The following BEND3 variants were observed in gnomAD, a reference collection of about 807,000 sequenced individuals.
The protein encoded by BEND3 is BEN domain containing 3.
BEND3 carries 13 observed loss-of-function variants against 60.1 expected under a neutral mutation model. That is an observed-to-expected ratio of 0.22 (90% CI 0.14 to 0.34). The LOEUF is 0.34. Ranked by LOEUF, BEND3 falls within the 10% of genes least tolerant of loss-of-function variation. The pLI, the probability that BEND3 is intolerant of heterozygous loss-of-function variation, is 1.00. For synonymous variants in BEND3, 497 were observed against 491.5 expected, an observed-to-expected ratio of 1.01 and a Z score of -0.15; for missense variants, 896 against 1,138.1, an observed-to-expected ratio of 0.79 and a Z score of 3.06.
chr6:107,070,727 A>G lies in BEND3; in HGVS notation c.464T>C (p.Leu155Pro). 1.2e-6 allele frequency: 2 copies of G among 1,613,880 alleles called. No homozygotes were observed. The highest frequency in any genetic ancestry group is 1.3e-5 in the African/African-American group (1 of 75,008). ...PSGDLLNVYELFEKANASNSP... is the reference protein window; with the variant it reads ...PSGDLLNVYEPFEKANASNSP... ...GTTGCTGGCGTTTGCCTTCTCAAAG[A>G]GCTCGTACACGTTTAGCAGGTCCCC... Residue 155 changes from leucine to proline, a missense_variant, in exon 4 of 4, where the codon CTC becomes CCC. Transcript: ENST00000369042. The surrounding 1 kb of genome is among the most constrained non-coding windows in gnomAD (Gnocchi z 6.9).
chr6:107,068,626 C>G lies in BEND3; in HGVS notation c.*78G>C. On this transcript the variant is annotated 3_prime_UTR_variant, in exon 4 of 4. Coordinates refer to ENST00000369042, the MANE Select transcript of BEND3 (RefSeq NM_001367314.1). The surrounding 1 kb of genome is among the most constrained non-coding windows in gnomAD (Gnocchi z 5.8). ...TGTCTGTGGATGCCATAGGCGTGCTCCCAAGTATTGCTCAGTCCCAAGGGT... is the reference window on the plus strand; with the variant it reads ...TGTCTGTGGATGCCATAGGCGTGCTGCCAAGTATTGCTCAGTCCCAAGGGT... The G allele has an allele frequency of 6.6e-7, 1 of 1,506,924 alleles. No individual in the cohort carries two copies. Among genetic ancestry groups the G allele is most frequent in the Non-Finnish European group, 8.9e-7 (1 of 1,117,322 alleles). The allele number at this position is 1,506,924 out of a possible 1,614,324, so 93.3% of individuals were successfully genotyped here.
intron 1 of BEND3, among the ~76,000 whole-genome samples, chr6:107,107,335 C>CATCT (rs151273730): frequency 0.028 from 4,310 of 152,126 alleles, 202 homozygotes; most frequent in African/African-American, 0.099. Context: ...GAGCTGGACA[C>CATCT]ATCTACCTCA....
In BEND3 at chr6:107,070,441, G is replaced by A. The variant is rs781912717; in HGVS notation, c.750C>T (p.Ala250=). 6.8e-6 allele frequency: 11 copies of A among 1,613,968 alleles called. No individual in the cohort carries two copies. Among genetic ancestry groups the A allele is most frequent in the South Asian group, 2.2e-5 (2 of 91,080 alleles). Reference sequence around the variant, plus strand: ...GGTCCACGATCTGCTTGAGCTCTGCGGCTGTGAGCTGGTACTCAGGGGGCG... The same window carrying A: ...GGTCCACGATCTGCTTGAGCTCTGCAGCTGTGAGCTGGTACTCAGGGGGCG... ...FQPPPEYQLT[A]AELKQIVDQS... Residue 250 remains alanine, a synonymous_variant, in exon 4 of 4, where the codon GCC becomes GCT. Transcript: ENST00000369042. This position sits in a 1 kb window ranked among gnomAD's most constrained non-coding sequence, Gnocchi z 6.9.
Position 107,068,540 on chromosome 6 carries a change from G to A in BEND3, c.*164C>T, listed in dbSNP as rs1307005357. ...ACCAAACTCAAGGCTTCTTTCTTGC[G>A]GTTGGGTGGGTGTTTACGTGTGCAA... On this transcript the variant is annotated 3_prime_UTR_variant, in exon 4 of 4. Coordinates refer to ENST00000369042, the MANE Select transcript of BEND3 (RefSeq NM_001367314.1). This position sits in a 1 kb window ranked among gnomAD's most constrained non-coding sequence, Gnocchi z 5.8. 8 of 729,174 alleles carry A rather than the reference G, an allele frequency of 1.1e-5. No individual in the cohort carries two copies. Among genetic ancestry groups the A allele is most frequent in the African/African-American group, 7.1e-5 (4 of 56,136 alleles). 45.2% of individuals were successfully genotyped at this position (729,174 alleles called of 1,614,324 possible).
rs1359438294 is a variant in BEND3 at position 107,067,072 on chromosome 6, C to T, written c.*1632G>A. 6.6e-6 allele frequency: 1 copy of T among 152,150 alleles called. No homozygotes were observed. Among genetic ancestry groups the T allele is most frequent in the African/African-American group, 2.4e-5 (1 of 41,434 alleles). 9.4% of individuals were successfully genotyped at this position (152,150 alleles called of 1,614,324 possible). The stretch of plus-strand genomic sequence containing the variant: ...GGAGCAAATTTACTAGTTAGATCAG[C>T]AACTTAACATTGCTTTTAAAATCCT... On this transcript the variant is annotated 3_prime_UTR_variant, in exon 4 of 4. Transcript: ENST00000369042.
chr6:107,093,902 A>G (rs77754557), intron 3 of BEND3, among the ~76,000 whole-genome samples: 4,288 of 152,344 alleles, frequency 0.028, 187 homozygotes, highest in African/African-American at 0.097. Flanking sequence ...CTTCATTAAA[A>G]GTAAACATTT....
rs1774967024 is a variant in BEND3 at position 107,070,935 on chromosome 6, T to C, written c.256A>G (p.Met86Val). Reference protein sequence around the residue: ...RLIPEALLAGMRNRENSSPCQ... With the variant: ...RLIPEALLAGVRNRENSSPCQ... ...GGCGAGCTGTTCTCACGGTTCCGCA[T>C]GCCTGCTAGGAGAGCCTGCAAAACA... is the stretch of plus-strand genomic sequence containing the variant. The change falls in exon 4 of 4, where the codon ATG becomes GTG. Residue 86 changes from methionine (M) to valine (V), a missense_variant. This residue lies in a region of BEND3 where 846 missense variants were observed against 1,036.7 expected (regional missense o/e 0.82). Coordinates refer to ENST00000369042, the MANE Select transcript of BEND3 (RefSeq NM_001367314.1). This position sits in a 1 kb window ranked among gnomAD's most constrained non-coding sequence, Gnocchi z 6.9. 6.2e-7 allele frequency: 1 copy of C among 1,610,932 alleles called. No homozygotes were observed. Among genetic ancestry groups the C allele is most frequent in the Non-Finnish European group, 8.5e-7 (1 of 1,178,694 alleles).
intron 2 of BEND3, 47 bp from the exon 3 acceptor site, chr6:107,098,800 T>C (rs782557375): frequency 1.3e-6 from 2 of 1,541,900 alleles, no homozygotes; most frequent in Admixed American, 1.7e-5. Flanking sequence ...CCAGGGCTGC[T>C]CAGAGATCAG....
intron 3 of BEND3, among the ~76,000 whole-genome samples, chr6:107,082,331 G>A (rs1775251847): frequency 6.6e-6 from 1 of 152,202 alleles, no homozygotes; most frequent in African/African-American, 2.4e-5. Flanking sequence ...CCAGATACGT[G>A]AGTGAGGTTA....
Position 107,093,688 on chromosome 6 carries a change from C to T in BEND3, c.240+4863G>A, listed in dbSNP as rs571615595. ...TTTACTGGACCAAACTGGACATCCA[C>T]ATGCAAATATGTCAATCTAGACATA... On this transcript the variant is annotated intron_variant, in intron 3 of 3. Transcript: ENST00000369042. Among the ~76,000 whole-genome samples, 90 of 152,330 alleles carry T rather than the reference C, an allele frequency of 5.9e-4. 1 individual carries two copies. In the Middle Eastern group the frequency reaches 0.01, roughly 17 times the overall value.
At chr6:107,102,356 G>A (rs1364068220) in intron 1 of BEND3, among the ~76,000 whole-genome samples, 1 of 152,120 alleles carries the variant, frequency 6.6e-6, no homozygotes, top group Non-Finnish European at 1.5e-5. Flanking sequence ...GGGGTTGGAA[G>A]GAGGCTATTT....
At chr6:107,109,273 G>A (rs1249436954) in intron 1 of BEND3, among the ~76,000 whole-genome samples, 4 of 150,076 alleles carry the variant, frequency 2.7e-5, no homozygotes, top group African/African-American at 7.3e-5. Context: ...ACAAAACCCC[G>A]TCTCTACTAA....
chr6:107,069,842 A>G lies in BEND3; in HGVS notation c.1349T>C (p.Ile450Thr), dbSNP rs1774926652. The change falls in exon 4 of 4, where the codon ATC (isoleucine) becomes ACC (threonine). Residue 450 changes from isoleucine (I) to threonine (T), a missense_variant. Ile to Thr is a moderately conservative substitution (Grantham distance 89). Around this residue, in one of 4 missense-constraint regions of BEND3, gnomAD observed 846 missense variants for 1,036.7 expected, o/e 0.82. Transcript: ENST00000369042. ...GTAGATCTCCGTGTAGTTGCGGATG[A>G]TCTGCAGCCGCTGCGGGTCCAGCTC... The part of the protein sequence containing the change: ...KQELDPQRLQ[I>T]IRNYTEIYFP... The G allele has an allele frequency of 1.2e-6, 2 of 1,613,352 alleles. No homozygotes were observed. Among genetic ancestry groups the G allele is most frequent in the Admixed American group, 3.3e-5 (2 of 59,982 alleles).
chr6:107,103,687 G>A (rs1467543172), intron 1 of BEND3, among the ~76,000 whole-genome samples: 3 of 151,862 alleles, frequency 2.0e-5, no homozygotes, highest in Non-Finnish European at 4.4e-5. Flanking sequence ...GGTGGCACAC[G>A]CCTGTAATCC....
chr6:107,070,248 A>G lies in BEND3; in HGVS notation c.943T>C (p.Tyr315His), dbSNP rs1447790403. Residue 315 changes from tyrosine to histidine, a missense_variant, in exon 4 of 4, where the codon TAC becomes CAC. Physicochemically the swap from Tyr to His is moderately conservative, Grantham distance 83. Coordinates refer to ENST00000369042, the MANE Select transcript of BEND3 (RefSeq NM_001367314.1). The surrounding 1 kb of genome is among the most constrained non-coding windows in gnomAD (Gnocchi z 6.9). Reference protein sequence around the residue: ...QLIRNYVEVYYPSVKDTAVWQ... With the variant: ...QLIRNYVEVYHPSVKDTAVWQ... The stretch of plus-strand genomic sequence containing the variant: ...ACAGCCGTGTCCTTCACCGAGGGGT[A>G]GTAGACCTCCACATAGTTGCGGATG... The G allele has an allele frequency of 6.8e-6, 11 of 1,612,930 alleles. No homozygotes were observed. Among genetic ancestry groups the G allele is most frequent in the Admixed American group, 5.0e-5 (3 of 59,998 alleles).
intron 1 of BEND3, among the ~76,000 whole-genome samples, chr6:107,104,973 T>A (rs1554237203): frequency 1.3e-5 from 2 of 152,168 alleles, no homozygotes; most frequent in Non-Finnish European, 2.9e-5. Context: ...CTCCAGCTTC[T>A]GGAATATTTT....
At chr6:107,109,541 C>T (rs1167853383) in intron 1 of BEND3, among the ~76,000 whole-genome samples, 1 of 151,492 alleles carries the variant, frequency 6.6e-6, no homozygotes, top group Non-Finnish European at 1.5e-5. Flanking sequence ...GAGTTTGAGA[C>T]CAGCCTGGGC....
Position 107,097,999 on chromosome 6 carries a change from GT to G in BEND3, c.240+551del, listed in dbSNP as rs200124658. Among the ~76,000 whole-genome samples the G allele has an allele frequency of 6.5e-3, 986 of 152,044 alleles. 13 individuals carry two copies. The highest frequency in any genetic ancestry group is 0.023 in the African/African-American group (946 of 41,468). ...CTGCCCTAACATCCAACAGGGGAGA[GT>G]TAAAACAAACCAATTAAACAAAGAG... On this transcript the variant is annotated intron_variant, in intron 3 of 3. Coordinates refer to ENST00000369042, the MANE Select transcript of BEND3 (RefSeq NM_001367314.1).
chr6:107,086,231 A>T (rs1306790054), intron 3 of BEND3, among the ~76,000 whole-genome samples: 1 of 152,128 alleles, frequency 6.6e-6, no homozygotes, highest in East Asian at 1.9e-4. Flanking sequence ...GAAATAGCCA[A>T]CATCAGCCCA....
Sources: allele counts gnomAD v4.1 joint callset (sites outside exome capture counted in the v4.1 genomes callset), GRCh38; gene constraint gnomAD v4.1.1; regional missense constraint gnomAD v4.1.1; non-coding constraint Gnocchi (gnomAD v3.1); transcripts MANE v1.5; gene names NCBI Gene and HGNC (gene_info 2026-07-23, HGNC 2026-07-21).